The following COL26A1 variants were observed in gnomAD, a reference collection of about 807,000 sequenced individuals.
COL26A1 encodes collagen type XXVI alpha 1 chain.
A neutral mutation model predicts 59.3 loss-of-function variants in COL26A1; 41 were observed. That is an observed-to-expected ratio of 0.69 (90% CI 0.54 to 0.90). The LOEUF (loss-of-function observed/expected upper bound fraction) is 0.90. COL26A1 is among the 40% of genes least tolerant of loss of function. The pLI, the probability that COL26A1 is intolerant of heterozygous loss-of-function variation, is 0.00. For synonymous variants in COL26A1, 266 were observed against 256.0 expected (o/e 1.04, Z -0.37); for missense variants, 612 against 602.3 (o/e 1.02, Z -0.17).
intron 3 of COL26A1, among the ~76,000 whole-genome samples, chr7:101,500,992 G>T (rs1794692122): frequency 6.6e-6 from 1 of 151,482 alleles, no homozygotes; most frequent in African/African-American, 2.4e-5. Flanking sequence ...GACCAGCCTG[G>T]CCAACACGGT....
At chr7:101,426,052 C>T (rs1415306963) in intron 2 of COL26A1, among the ~76,000 whole-genome samples, 2 of 152,014 alleles carry the variant, frequency 1.3e-5, no homozygotes, top group African/African-American at 4.8e-5. Context: ...GTCTCGAACT[C>T]CTGACCTCAA....
At chr7:101,410,136 C>T (rs1299040393) in intron 1 of COL26A1, among the ~76,000 whole-genome samples, 1 of 151,952 alleles carries the variant, frequency 6.6e-6, no homozygotes, top group Non-Finnish European at 1.5e-5. Context: ...TGGGCATGAA[C>T]TCTTAAGGGT....
At chr7:101,451,927 G>A (rs1793350334) in intron 3 of COL26A1, among the ~76,000 whole-genome samples, 1 of 151,988 alleles carries the variant, frequency 6.6e-6, no homozygotes, top group Admixed American at 6.6e-5. Flanking sequence ...GGCTGGTCTC[G>A]AACTCCCGGC....
intron 1 of COL26A1, among the ~76,000 whole-genome samples, chr7:101,395,872 C>T (rs1007188553): frequency 3.9e-5 from 6 of 152,096 alleles, no homozygotes; most frequent in African/African-American, 9.7e-5. Context: ...TTGGGGTTGT[C>T]GAGGGTCTCA....
intron 3 of COL26A1, among the ~76,000 whole-genome samples, chr7:101,462,877 C>T (rs1793648322): frequency 6.6e-6 from 1 of 152,026 alleles, no homozygotes; most frequent in African/African-American, 2.4e-5. Flanking sequence ...GGTTTTCCAC[C>T]TGGATCTGTT....
chr7:101,497,996 A>G (rs1410122927), intron 3 of COL26A1, among the ~76,000 whole-genome samples: 4 of 152,186 alleles, frequency 2.6e-5, no homozygotes, highest in Non-Finnish European at 5.9e-5. Flanking sequence ...TGAGTGTTGC[A>G]ATGAGCCAAG....
chr7:101,440,651 T>G (rs2130354660), intron 2 of COL26A1, among the ~76,000 whole-genome samples: 1 of 152,178 alleles, frequency 6.6e-6, no homozygotes, highest in South Asian at 2.1e-4. Context: ...GCCAAGCCCA[T>G]GGAATTCAGA....
chr7:101,528,705 G>C (rs1006810841), intron 3 of COL26A1, among the ~76,000 whole-genome samples: 1 of 151,982 alleles, frequency 6.6e-6, no homozygotes, highest in African/African-American at 2.4e-5. Flanking sequence ...GCACCACCAT[G>C]CCTGGCTAAC....
chr7:101,505,228 A>G (rs1794782857), intron 3 of COL26A1, among the ~76,000 whole-genome samples: 1 of 150,034 alleles, frequency 6.7e-6, no homozygotes, highest in Non-Finnish European at 1.5e-5. Context: ...GTGATTGTGC[A>G]GAAGTGTGTA....
intron 3 of COL26A1, among the ~76,000 whole-genome samples, chr7:101,461,085 C>T (rs2130425679): frequency 6.6e-6 from 1 of 152,272 alleles, no homozygotes; most frequent in South Asian, 2.1e-4. Context: ...AAGTGATCCT[C>T]CTTCCTCAGC....
chr7:101,497,892 G>T (rs1794623489), intron 3 of COL26A1, among the ~76,000 whole-genome samples: 2 of 152,174 alleles, frequency 1.3e-5, no homozygotes, highest in South Asian at 4.1e-4. Context: ...GCTGAGGCAG[G>T]AGGAGCACTT....
At chr7:101,370,498 C>A (rs1022477001) in intron 1 of COL26A1, among the ~76,000 whole-genome samples, 1 of 151,692 alleles carries the variant, frequency 6.6e-6, no homozygotes, top group African/African-American at 2.4e-5. Flanking sequence ...AGCCTTCCGA[C>A]TAGCTGGTAT....
intron 2 of COL26A1, among the ~76,000 whole-genome samples, chr7:101,420,556 C>T (rs1792488391): frequency 6.6e-6 from 1 of 152,124 alleles, no homozygotes; most frequent in Non-Finnish European, 1.5e-5. Flanking sequence ...TCTCACTGGC[C>T]CTACTTGTTA....
intron 2 of COL26A1, among the ~76,000 whole-genome samples, chr7:101,420,668 C>T (rs75788701): frequency 7.0e-6 from 1 of 142,652 alleles, no homozygotes; most frequent in African/African-American, 2.6e-5. Flanking sequence ...CTCACCAGCT[C>T]TGCCCCTACC....
chr7:101,541,135 G>A lies in COL26A1; in HGVS notation c.604+1086G>A, dbSNP rs186540832. Among the ~76,000 whole-genome samples, 205 of 152,280 alleles carry A rather than the reference G, an allele frequency of 1.3e-3. 1 individual carries two copies. The highest frequency in any genetic ancestry group is 0.01 in the Middle Eastern group (3 of 294). ...CCTATTGTCTTACAGCTCAGCTACT[G>A]TCTTCAGTATCTGCCCTGCTCCTTG... is the stretch of plus-strand genomic sequence containing the variant. On this transcript the variant is annotated intron_variant, in intron 5 of 12. Coordinates refer to ENST00000313669, the MANE Select transcript of COL26A1 (RefSeq NM_001278563.3).
At chr7:101,503,449 A>G (rs563711209) in intron 3 of COL26A1, among the ~76,000 whole-genome samples, 25 of 152,154 alleles carry the variant, frequency 1.6e-4, no homozygotes, top group Non-Finnish European at 2.6e-4. Context: ...TGGTGCGATC[A>G]TCACTCAATT....
chr7:101,489,713 CA>C lies in COL26A1; in HGVS notation c.385+41927del, dbSNP rs1794367714. On this transcript the variant is annotated intron_variant, in intron 3 of 12. Transcript: ENST00000313669. ...TCTTTCTTTCTGTCTTTCTTTCTTT[CA>C]TTCTTTCTTTCTCTCTCTCTTTCTC... 4.5e-3 allele frequency among the ~76,000 whole-genome samples: 28 copies of C among 6,220 alleles called. 9 individuals carry two copies. The highest frequency in any genetic ancestry group is 0.17 in the Middle Eastern group (2 of 12). The allele number at this position is 6,220 out of a possible 152,430, so 4.1% of individuals were successfully genotyped here.
At position 101,556,487 on chromosome 7, in the gene COL26A1, A is replaced by G. The variant is rs554324580; in HGVS notation, c.1165+616A>G. Among the ~76,000 whole-genome samples the G allele has an allele frequency of 2.6e-5, 4 of 151,756 alleles. No individual in the cohort carries two copies. The South Asian group carries it at 8.3e-4, about 32-fold the overall frequency. ...TATGCATGGGTGGATGCATAGATAG[A>G]TGAATGAATGAATGAATGAATTGTT... On this transcript the variant is annotated intron_variant, in intron 12 of 12. Transcript: ENST00000313669.
chr7:101,387,374 G>GAAAA (rs11386764), intron 1 of COL26A1, among the ~76,000 whole-genome samples: 29 of 143,740 alleles, frequency 2.0e-4, no homozygotes, highest in African/African-American at 5.7e-4. Flanking sequence ...CCGACACACT[G>GAAAA]AAAAAAAAAA....
Sources: gnomAD v4.1 joint callset for allele counts (sites outside exome capture counted in the v4.1 genomes callset) on GRCh38, gnomAD v4.1.1 for gene constraint, MANE v1.5 for transcripts, NCBI Gene and HGNC (gene_info 2026-07-23, HGNC 2026-07-21) for gene names.